Variants in CPNE8 observed in about 807,000 individuals in gnomAD.
CPNE8 encodes the protein copine-8.
In CPNE8, 45 loss-of-function variants were observed where a neutral mutation model predicts 81.5. The ratio of observed to expected loss-of-function variants is 0.55; its 90% CI spans 0.44 to 0.71. CPNE8 has a LOEUF of 0.71. CPNE8 is among the 30% of genes least tolerant of loss of function. CPNE8 has a pLI of 0.00. For synonymous variants in CPNE8, 252 were observed against 226.3 expected (o/e 1.11, Z -1.02); for missense variants, 594 against 672.1 (o/e 0.88, Z 1.28).
chr12:38,774,829 G>A (rs150506167), intron 7 of CPNE8, among the ~76,000 whole-genome samples: 262 of 152,276 alleles, frequency 1.7e-3, no homozygotes, highest in African/African-American at 4.9e-3. Flanking sequence ...TGATATGACC[G>A]TGACATGCCC....
At chr12:38,794,664 A>G (rs2136937353) in intron 6 of CPNE8, among the ~76,000 whole-genome samples, 1 of 151,860 alleles carries the variant, frequency 6.6e-6, no homozygotes, top group African/African-American at 2.4e-5. Context: ...AAAAAAAAAC[A>G]GAACACAAGT....
chr12:38,798,718 T>G (rs569329906), intron 6 of CPNE8, among the ~76,000 whole-genome samples: 1 of 151,548 alleles, frequency 6.6e-6, no homozygotes, highest in South Asian at 2.1e-4. Context: ...TAAATGAAAA[T>G]GGACTAAATG....
chr12:38,809,314 G>A (rs1270224834), intron 6 of CPNE8, among the ~76,000 whole-genome samples: 1 of 152,074 alleles, frequency 6.6e-6, no homozygotes, highest in African/African-American at 2.4e-5. Context: ...TTTCCACGTG[G>A]CCTCCATGTC....
At chr12:38,747,652 T>G (rs905678453) in intron 10 of CPNE8, among the ~76,000 whole-genome samples, 1 of 152,168 alleles carries the variant, frequency 6.6e-6, no homozygotes, top group Non-Finnish European at 1.5e-5. Context: ...TAGTAGACAT[T>G]AGCCACCTGC....
intron 10 of CPNE8, among the ~76,000 whole-genome samples, chr12:38,758,824 T>C (rs947692604): frequency 6.6e-6 from 1 of 152,206 alleles, no homozygotes; most frequent in Non-Finnish European, 1.5e-5. Context: ...TTCAAAGCTA[T>C]TCAAAATTCT....
chr12:38,807,064 C>G (rs71463307), intron 6 of CPNE8, among the ~76,000 whole-genome samples: 1 of 152,178 alleles, frequency 6.6e-6, no homozygotes, highest in South Asian at 2.1e-4. Flanking sequence ...GGACCTCTTC[C>G]AGGAGAACTA....
chr12:38,797,273 G>A (rs532855838), intron 6 of CPNE8, among the ~76,000 whole-genome samples: 35 of 152,226 alleles, frequency 2.3e-4, no homozygotes, highest in Admixed American at 1.2e-3. Context: ...CCTGACCCCC[G>A]AGCAGCCTAA....
At chr12:38,884,420 A>G (rs1229654646) in intron 1 of CPNE8, among the ~76,000 whole-genome samples, 1 of 152,216 alleles carries the variant, frequency 6.6e-6, no homozygotes, top group African/African-American at 2.4e-5. Flanking sequence ...GTATGGATAT[A>G]CTACTTTGGT....
chr12:38,660,092 T>G (rs914582058), intron 19 of CPNE8, among the ~76,000 whole-genome samples: 1 of 152,214 alleles, frequency 6.6e-6, no homozygotes, highest in Non-Finnish European at 1.5e-5. Flanking sequence ...GATGACTTTC[T>G]TCACAGAAAT....
At chr12:38,819,766 C>CAAAA (rs71068584) in intron 6 of CPNE8, among the ~76,000 whole-genome samples, 9 of 65,268 alleles carry the variant, frequency 1.4e-4, no homozygotes, top group Non-Finnish European at 2.0e-4. Context: ...GACTCCGTCT[C>CAAAA]AAAAAAAAAA....
At chr12:38,727,895 C>A (rs147243083) in intron 11 of CPNE8, among the ~76,000 whole-genome samples, 1 of 152,176 alleles carries the variant, frequency 6.6e-6, no homozygotes, top group Non-Finnish European at 1.5e-5. Flanking sequence ...GCTCAAACAA[C>A]AAGTGAAAGC....
At chr12:38,712,720 T>G (rs1940290231) in intron 13 of CPNE8, among the ~76,000 whole-genome samples, 1 of 152,188 alleles carries the variant, frequency 6.6e-6, no homozygotes, top group South Asian at 2.1e-4. Flanking sequence ...TTTAAAAATT[T>G]TTTTCAAACA....
chr12:38,675,129 A>C lies in CPNE8; in HGVS notation c.1432+588T>G, dbSNP rs185802447. Among the ~76,000 whole-genome samples, 44 of 152,340 alleles carry C rather than the reference A, an allele frequency of 2.9e-4. No homozygotes were observed. In the East Asian group the frequency reaches 7.7e-3, roughly 27 times the overall value. ...TGAATGAAAAACTACCCAGTATGCC[A>C]ATTTAGCATAATTATATAAAGTCTC... is the stretch of plus-strand genomic sequence containing the variant. On this transcript the variant is annotated intron_variant, in intron 18 of 19. Coordinates refer to ENST00000331366, the MANE Select transcript of CPNE8 (RefSeq NM_153634.3).
intron 17 of CPNE8, among the ~76,000 whole-genome samples, chr12:38,677,190 A>T (rs2136650044): frequency 6.6e-6 from 1 of 152,254 alleles, no homozygotes; most frequent in South Asian, 2.1e-4. Flanking sequence ...TAACAAACCC[A>T]TGCCTGTGAA....
chr12:38,806,160 A>G (rs1479834333), intron 6 of CPNE8, among the ~76,000 whole-genome samples: 2 of 150,380 alleles, frequency 1.3e-5, no homozygotes, highest in Non-Finnish European at 3.0e-5. Flanking sequence ...TCACAGCTGA[A>G]TTCTACCAGA....
intron 1 of CPNE8, among the ~76,000 whole-genome samples, chr12:38,904,470 G>GTTTTTTTTT (rs11343890): frequency 8.3e-6 from 1 of 120,306 alleles, no homozygotes; most frequent in Non-Finnish European, 1.7e-5. Context: ...GTTTTTTTTT[G>GTTTTTTTTT]TTTTTTTTTT....
chr12:38,864,562 C>A (rs756149589), intron 3 of CPNE8, among the ~76,000 whole-genome samples: 1 of 152,252 alleles, frequency 6.6e-6, no homozygotes, highest in Non-Finnish European at 1.5e-5. Flanking sequence ...CTCACATTTA[C>A]AGTTATTTAT....
intron 1 of CPNE8, among the ~76,000 whole-genome samples, chr12:38,884,196 A>G (rs1018324912): frequency 2.0e-5 from 3 of 152,042 alleles, no homozygotes; most frequent in African/African-American, 7.2e-5. Flanking sequence ...ATCACACCCT[A>G]TTCCACTTCC....
chr12:38,897,693 A>C (rs1944407657), intron 1 of CPNE8, among the ~76,000 whole-genome samples: 1 of 151,410 alleles, frequency 6.6e-6, no homozygotes, highest in South Asian at 2.1e-4. Context: ...ATATTAATAT[A>C]CACAGAGAGA....
Sources: allele counts gnomAD v4.1 joint callset (sites outside exome capture counted in the v4.1 genomes callset), GRCh38; gene constraint gnomAD v4.1.1; transcripts MANE v1.5; gene names NCBI Gene and HGNC (gene_info 2026-07-23, HGNC 2026-07-21).